ORC4: variants seen among roughly 807,000 people sequenced by gnomAD.
ORC4 encodes origin recognition complex, subunit 4 homolog.
Under a neutral mutation model 63.9 loss-of-function variants are expected in ORC4, and 55 were observed. The observed-to-expected ratio is 0.86, with a 90% CI of 0.69 to 1.08. The LOEUF (loss-of-function observed/expected upper bound fraction) is 1.08, where lower values mean the gene tolerates loss of function less well. Among genes scored for constraint, ORC4 ranks in the 50% least tolerant of loss-of-function variants. The probability of loss-of-function intolerance (pLI) is 0.00; values close to 1 mark genes in which losing one functional copy is unlikely to be tolerated. For synonymous variants in ORC4, 150 were observed against 168.5 expected, an observed-to-expected ratio of 0.89 and a Z score of 0.85; for missense variants, 511 against 504.4, an observed-to-expected ratio of 1.01 and a Z score of -0.13.
chr2:148,003,328 A>G (rs1287493065), intron 1 of ORC4, among the ~76,000 whole-genome samples: 1 of 152,236 alleles, frequency 6.6e-6, no homozygotes, highest in African/African-American at 2.4e-5. Context: ...ATTCCAGGCC[A>G]ATATCCCTGA....
intron 1 of ORC4, among the ~76,000 whole-genome samples, chr2:147,976,935 T>C (rs983612097): frequency 1.3e-5 from 2 of 152,180 alleles, no homozygotes; most frequent in Admixed American, 6.5e-5. Flanking sequence ...ACCATACTCA[T>C]AGACAAATGA....
Position 147,955,991 on chromosome 2 carries a change from T to C in ORC4, c.388-596A>G, listed in dbSNP as rs181291640. On this transcript the variant is annotated intron_variant, in intron 6 of 13. Coordinates refer to ENST00000392857, the MANE Select transcript of ORC4 (RefSeq NM_181741.4). ...GTTTACTTGGAATATAGCCAAAACATTTTTGGATACTATTAAATATTCTTG... is the reference window on the plus strand; with the variant it reads ...GTTTACTTGGAATATAGCCAAAACACTTTTGGATACTATTAAATATTCTTG... 9.9e-5 allele frequency among the ~76,000 whole-genome samples: 15 copies of C among 152,168 alleles called. No individual in the cohort carries two copies. The East Asian group carries it at 2.9e-3, about 29-fold the overall frequency.
chr2:147,958,395 T>A lies in ORC4; in HGVS notation c.302-12A>T. The A allele has an allele frequency of 6.3e-7, 1 of 1,593,302 alleles. No individual in the cohort carries two copies. Among genetic ancestry groups the A allele is most frequent in the Non-Finnish European group, 8.6e-7 (1 of 1,162,024 alleles). ...GATCTGCAGCAGTCCTAAAATAAAG[T>A]CCATTTAAAAGTATTTAATTAAAAT... On this transcript the variant is annotated splice_polypyrimidine_tract_variant and intron_variant, in intron 5 of 13. Coordinates refer to ENST00000392857, the MANE Select transcript of ORC4 (RefSeq NM_181741.4).
intron 10 of ORC4, 29 bp from the exon 11 acceptor site, chr2:147,939,277 T>G: frequency 7.0e-7 from 1 of 1,419,038 alleles, no homozygotes; most frequent in Non-Finnish European, 1.0e-6. Context: ...GAAAAACAAT[T>G]ACGTATTTAC....
At chr2:148,018,029 C>T (rs1265491236) in intron 1 of ORC4, among the ~76,000 whole-genome samples, 2 of 152,102 alleles carry the variant, frequency 1.3e-5, no homozygotes, top group African/African-American at 4.8e-5. Context: ...ATGCTCCAAG[C>T]ACAGAGAAGA....
chr2:148,008,030 T>C (rs968558565), intron 1 of ORC4, among the ~76,000 whole-genome samples: 11 of 152,134 alleles, frequency 7.2e-5, no homozygotes, highest in Admixed American at 2.0e-4. Context: ...ACGTTAACTT[T>C]TGCACCAATC....
chr2:148,009,053 C>T (rs755949719), intron 1 of ORC4, among the ~76,000 whole-genome samples: 21 of 151,908 alleles, frequency 1.4e-4, no homozygotes, highest in African/African-American at 4.1e-4. Flanking sequence ...TTTTTCTGTG[C>T]GTGTATTTTT....
rs1347569317 is a variant in ORC4, at chr2:147,932,087, G to GAT, written c.*3421_*3422dup. 1 of 151,600 alleles carries GAT rather than the reference G, an allele frequency of 6.6e-6. No homozygotes were observed. The highest frequency in any genetic ancestry group is 6.6e-5 in the Admixed American group (1 of 15,194). 9.4% of individuals were successfully genotyped at this position (151,600 alleles called of 1,614,324 possible). A position where few individuals can be genotyped will look rare whatever the true frequency, so the allele number is the denominator to read the frequency against. ...TCTCAGCCCAAAATCTCCTTAAGCTGATAAGCAACTTCAGCAAAGTCTCAG... is the reference window on the plus strand; with the variant it reads ...TCTCAGCCCAAAATCTCCTTAAGCTGATATAAGCAACTTCAGCAAAGTCTCAG... On this transcript the variant is annotated 3_prime_UTR_variant, in exon 14 of 14. Coordinates refer to ENST00000392857, the MANE Select transcript of ORC4 (RefSeq NM_181741.4).
At chr2:147,949,555 A>T (rs1272215084) in intron 8 of ORC4, among the ~76,000 whole-genome samples, 1 of 152,196 alleles carries the variant, frequency 6.6e-6, no homozygotes, top group East Asian at 1.9e-4. Context: ...GTTGTATGGT[A>T]TAAATTACAT....
At chr2:148,008,430 G>C (rs1049402357) in intron 1 of ORC4, among the ~76,000 whole-genome samples, 2 of 152,150 alleles carry the variant, frequency 1.3e-5, no homozygotes, top group African/African-American at 4.8e-5. Flanking sequence ...GGAAATACAA[G>C]GGGAGGGATT....
intron 1 of ORC4, among the ~76,000 whole-genome samples, chr2:147,999,737 T>A (rs769757998): frequency 6.6e-6 from 1 of 152,150 alleles, no homozygotes; most frequent in African/African-American, 2.4e-5. Context: ...TGCCCAGCCA[T>A]ATTCACAGAG....
chr2:147,962,882 C>T (rs1317955113), intron 4 of ORC4, among the ~76,000 whole-genome samples: 1 of 152,134 alleles, frequency 6.6e-6, no homozygotes, highest in African/African-American at 2.4e-5. Context: ...CAGAAGGTTA[C>T]CCCTGGCAGG....
In ORC4 at chr2:147,976,102, T is replaced by C. The variant is rs1690537873; in HGVS notation, c.-17-127A>G. 3 of 650,366 alleles carry C rather than the reference T, an allele frequency of 4.6e-6. No individual in the cohort carries two copies. The Admixed American group carries it at 7.2e-5, about 16-fold the overall frequency. The allele number at this position is 650,366 out of a possible 1,614,324, so 40.3% of individuals were successfully genotyped here. On this transcript the variant is annotated intron_variant, in intron 1 of 13. Coordinates refer to ENST00000392857, the MANE Select transcript of ORC4 (RefSeq NM_181741.4). ...AAAAAATGCTCAAACCCTAAGACCT[T>C]CAAAATCTTCGATGGCTTCATTTTG...
At chr2:147,979,624 A>T (rs1163156541) in intron 1 of ORC4, among the ~76,000 whole-genome samples, 1 of 152,184 alleles carries the variant, frequency 6.6e-6, no homozygotes, top group East Asian at 1.9e-4. Context: ...AATAGCTAAG[A>T]CAATCATGAG....
At chr2:148,007,559 C>T (rs1692710572) in intron 1 of ORC4, among the ~76,000 whole-genome samples, 2 of 151,996 alleles carry the variant, frequency 1.3e-5, no homozygotes, top group Admixed American at 6.6e-5. Context: ...ATGAAGTATG[C>T]CTACAAAATC....
At chr2:148,006,000 T>C (rs1458385585) in intron 1 of ORC4, among the ~76,000 whole-genome samples, 1 of 151,680 alleles carries the variant, frequency 6.6e-6, no homozygotes, top group Non-Finnish European at 1.5e-5. Flanking sequence ...ATAAACACAC[T>C]AACAAACAAA....
At chr2:147,984,769 T>C (rs1220297305) in intron 1 of ORC4, among the ~76,000 whole-genome samples, 50 of 152,206 alleles carry the variant, frequency 3.3e-4, no homozygotes, top group Admixed American at 3.1e-3. Context: ...TCCCCTACAA[T>C]CTATACCTTT....
At chr2:147,968,408 T>C (rs967528880) in intron 4 of ORC4, among the ~76,000 whole-genome samples, 8 of 152,068 alleles carry the variant, frequency 5.3e-5, no homozygotes, top group Non-Finnish European at 1.2e-4. Flanking sequence ...TAGGGATTCA[T>C]ATCCAGATTA....
intron 4 of ORC4, among the ~76,000 whole-genome samples, chr2:147,963,624 C>T (rs1183326076): frequency 1.3e-5 from 2 of 152,168 alleles, no homozygotes; most frequent in African/African-American, 4.8e-5. Context: ...TCCTGGCAAA[C>T]ATTCACCAAG....
Sources: allele counts gnomAD v4.1 joint callset (sites outside exome capture counted in the v4.1 genomes callset), GRCh38; gene constraint gnomAD v4.1.1; transcripts MANE v1.5; gene names NCBI Gene and HGNC (gene_info 2026-07-23, HGNC 2026-07-21).